Variants in PKD1L3 observed in about 807,000 individuals in gnomAD.
PKD1L3 encodes polycystin-1-like protein 3.
A neutral mutation model predicts 184.1 loss-of-function variants in PKD1L3; 239 were observed. That is an observed-to-expected ratio of 1.30 (90% CI 1.17 to 1.45). The LOEUF is 1.45. Among genes scored for constraint, PKD1L3 ranks in the 40% most tolerant of loss-of-function variants. The pLI is 0.00. For missense variants in PKD1L3, 2,660 were observed against 2,067.2 expected (o/e 1.29, Z -5.56); for synonymous variants, 996 against 778.8 (o/e 1.28, Z -4.64).
Position 71,949,905 on chromosome 16 carries a change from G to C in PKD1L3, c.3496C>G (p.Leu1166Val). 1.3e-6 allele frequency: 2 copies of C among 1,551,690 alleles called. No individual in the cohort carries two copies. Among genetic ancestry groups the C allele is most frequent in the Non-Finnish European group, 1.7e-6 (2 of 1,146,994 alleles). Residue 1166 changes from leucine to valine, a missense_variant, in exon 21 of 30, where the codon CTG (leucine) becomes GTG (valine). Physicochemically the swap from Leu to Val is conservative, Grantham distance 32. Coordinates refer to ENST00000620267, the MANE Select transcript of PKD1L3 (RefSeq NM_181536.2). ...VCWLLLGFTSLASAFFTALYS... is the reference protein window; with the variant it reads ...VCWLLLGFTSVASAFFTALYS... ...AGTGCTGTAAAAAAGGCTGAAGCCA[G>C]GCTAGTGAAACCTAAGAGGAGCCAG...
intron 5 of PKD1L3, among the ~76,000 whole-genome samples, 171 bp from the exon 6 acceptor site, chr16:71,984,338 T>C (rs2040277714): frequency 6.6e-6 from 1 of 152,214 alleles, no homozygotes; most frequent in African/African-American, 2.4e-5. Flanking sequence ...GTGGACAGAA[T>C]TTATTTCTAC....
chr16:71,951,536 T>C, intron 19 of PKD1L3, 28 bp downstream of exon 19: 8 of 1,531,794 alleles, frequency 5.2e-6, no homozygotes, highest in Non-Finnish European at 7.0e-6. Flanking sequence ...AGATGGAAGA[T>C]TCGTTACTGA....
chr16:71,964,513 A>G (rs1205079148), intron 15 of PKD1L3, among the ~76,000 whole-genome samples: 1 of 150,838 alleles, frequency 6.6e-6, no homozygotes, highest in African/African-American at 2.4e-5. Context: ...TAGTTTTTGT[A>G]TTTTTAGTAG....
chr16:71,997,547 G>C (rs1237318633), intron 2 of PKD1L3, among the ~76,000 whole-genome samples: 2 of 152,044 alleles, frequency 1.3e-5, no homozygotes, highest in African/African-American at 4.8e-5. Context: ...TTGGGAGTTC[G>C]AGACTGGCCT....
At chr16:71,955,931 T>G (rs1046744918) in intron 16 of PKD1L3, among the ~76,000 whole-genome samples, 1 of 152,138 alleles carries the variant, frequency 6.6e-6, no homozygotes, top group Non-Finnish European at 1.5e-5. Context: ...TGCTTAACTG[T>G]GAGTCAATTA....
intron 24 of PKD1L3, among the ~76,000 whole-genome samples, chr16:71,938,816 TG>T (rs2143187031): frequency 6.6e-6 from 1 of 152,334 alleles, no homozygotes; most frequent in Non-Finnish European, 1.5e-5. Flanking sequence ...TGTCACTCAA[TG>T]AAGCTCCTCT....
Position 71,963,233 on chromosome 16 carries a change from C to T in PKD1L3, c.2584G>A (p.Val862Ile). The change falls in exon 16 of 30, where the codon GTT becomes ATT. Residue 862 changes from valine to isoleucine, a missense_variant. Coordinates refer to ENST00000620267, the MANE Select transcript of PKD1L3 (RefSeq NM_181536.2). Reference sequence around the variant, plus strand: ...AAGGAAAAGAGCTCTCTCTTTGAAACTGGGATGAAGACCCGGTCAAGCTCA... The same window carrying T: ...AAGGAAAAGAGCTCTCTCTTTGAAATTGGGATGAAGACCCGGTCAAGCTCA... ...DCELDRVFIP[V>I]SKRELFSFRH... The T allele has an allele frequency of 1.3e-6, 2 of 1,550,942 alleles. No individual in the cohort carries two copies. Among genetic ancestry groups the T allele is most frequent in the African/African-American group, 1.4e-5 (1 of 73,158 alleles).
At chr16:71,985,769 G>T in intron 5 of PKD1L3, among the ~76,000 whole-genome samples, 1 of 152,232 alleles carries the variant, frequency 6.6e-6, no homozygotes, top group Middle Eastern at 3.4e-3. Context: ...GTCTTGCTAC[G>T]TTGCCCAGTC....
chr16:71,993,761 G>A (rs997114789), intron 2 of PKD1L3, among the ~76,000 whole-genome samples: 9 of 148,282 alleles, frequency 6.1e-5, no homozygotes, highest in African/African-American at 1.5e-4. Flanking sequence ...AGATAAAAGA[G>A]TTCAGAAGGT....
rs1202568263 is a variant in PKD1L3 at position 71,977,342 on chromosome 16, A to G, written c.1653T>C (p.Pro551=). Residue 551 remains proline (P), a synonymous_variant, in exon 11 of 30, where the codon CCT becomes CCC. Transcript: ENST00000620267. ...LEKSLIVSID[P]DSPLLMTLYL... ...AGAGTGTCATTAAAAGGGGACTGTC[A>G]GGATCTATGCTCACTATCAAGGATT... 4.5e-6 allele frequency: 7 copies of G among 1,547,944 alleles called. No individual in the cohort carries two copies. The South Asian group carries it at 8.3e-5, about 18-fold the overall frequency.
chr16:71,977,261 A>C lies in PKD1L3; in HGVS notation c.1734T>G (p.Leu578=), dbSNP rs1406131502. The change falls in exon 11 of 30, where the codon CTT becomes CTG. Residue 578 remains leucine (L), a synonymous_variant. Transcript: ENST00000620267. The part of the protein sequence containing the change: ...NCTHFHLNIT[L]PKDKVWQKDE... ...CTTTTTGCCACACCTTATCCTTTGG[A>C]AGGGTGATGTTCAGGTGGAAGTGAG... 6 of 1,532,516 alleles carry C rather than the reference A, an allele frequency of 3.9e-6. No individual in the cohort carries two copies. Among genetic ancestry groups the C allele is most frequent in the Non-Finnish European group, 3.5e-6 (4 of 1,129,724 alleles). 94.9% of individuals were successfully genotyped at this position (1,532,516 alleles called of 1,614,324 possible). A position where few individuals can be genotyped will look rare whatever the true frequency, so the allele number is the denominator to read the frequency against.
chr16:71,996,855 C>T (rs2040803691), intron 2 of PKD1L3, among the ~76,000 whole-genome samples: 1 of 151,894 alleles, frequency 6.6e-6, no homozygotes, highest in African/African-American at 2.4e-5. Flanking sequence ...AGGTTTGTAG[C>T]AGCATGAGAG....
intron 27 of PKD1L3, 31 bp downstream of exon 27, chr16:71,933,884 G>A: frequency 1.9e-6 from 3 of 1,544,568 alleles, no homozygotes; most frequent in Non-Finnish European, 8.8e-7. Flanking sequence ...ACAGCACACG[G>A]AGAAGGAGAG....
chr16:71,973,546 A>G, intron 11 of PKD1L3, 29 bp from the exon 12 acceptor site: 5 of 1,525,520 alleles, frequency 3.3e-6, no homozygotes, highest in Non-Finnish European at 3.5e-6. Context: ...GCTTACTTGT[A>G]TATCAAATGG....
chr16:71,937,949 G>A (rs1597281782), intron 24 of PKD1L3, among the ~76,000 whole-genome samples: 1 of 152,300 alleles, frequency 6.6e-6, no homozygotes, highest in Admixed American at 6.5e-5. Flanking sequence ...TGGAGTGGCT[G>A]CTGCCATGAC....
rs2039970885 is a variant in PKD1L3 at position 71,977,407 on chromosome 16, G to A, written c.1588C>T (p.His530Tyr). 1 of 1,551,612 alleles carries A rather than the reference G, an allele frequency of 6.4e-7. No individual in the cohort carries two copies. Among genetic ancestry groups the A allele is most frequent in the Middle Eastern group, 1.7e-4 (1 of 5,992 alleles). Residue 530 changes from histidine to tyrosine, a missense_variant, in exon 11 of 30, where the codon CAT (histidine) becomes TAT (tyrosine). Coordinates refer to ENST00000620267, the MANE Select transcript of PKD1L3 (RefSeq NM_181536.2). ...ACGTTCACTGTGATTGTAAGCTGAT[G>A]TGTGCTCATGTTGAGGCTGGTGGGA... is the stretch of plus-strand genomic sequence containing the variant. ...THPTSLNMST[H>Y]QLTITVNVTS...
intron 21 of PKD1L3, among the ~76,000 whole-genome samples, chr16:71,947,847 T>C (rs898947460): frequency 4.9e-4 from 75 of 152,272 alleles, no homozygotes; most frequent in African/African-American, 1.7e-3. Flanking sequence ...GCTTACACTG[T>C]CAAACGATTT....
chr16:71,972,935 C>T (rs985329752), intron 12 of PKD1L3, among the ~76,000 whole-genome samples: 5 of 152,154 alleles, frequency 3.3e-5, no homozygotes, highest in African/African-American at 7.2e-5. Flanking sequence ...TGGCCTGGAA[C>T]GTAAAAGAAT....
At position 71,935,356 on chromosome 16, in the gene PKD1L3, A is replaced by G; in HGVS notation, c.4613+2T>C. 6.4e-7 allele frequency: 1 copy of G among 1,551,202 alleles called. No homozygotes were observed. The highest frequency in any genetic ancestry group is 8.7e-7 in the Non-Finnish European group (1 of 1,146,726). On this transcript the variant is annotated splice_donor_variant, in intron 26 of 29. Transcript: ENST00000620267. LOFTEE classifies it high-confidence loss of function. ...TGCTGTGCCCCTCAGGCTTCCTCTC[A>G]CCTGTCCTGGTCATCGCGGTATCGT...
Sources: allele counts gnomAD v4.1 joint callset (sites outside exome capture counted in the v4.1 genomes callset), GRCh38; gene constraint gnomAD v4.1.1; transcripts MANE v1.5; gene names NCBI Gene and HGNC (gene_info 2026-07-23, HGNC 2026-07-21).